The following TMEM233 variants were observed in gnomAD, a reference collection of about 807,000 sequenced individuals.
The protein encoded by TMEM233 is dispanin subfamily B member 2.
TMEM233 carries 6 observed loss-of-function variants against 11.2 expected under a neutral mutation model. The ratio of observed to expected loss-of-function variants is 0.54; its 90% CI spans 0.29 to 1.06. The LOEUF is 1.06. Ranked by LOEUF, TMEM233 falls within the 50% of genes least tolerant of loss-of-function variation. The pLI, the probability that TMEM233 is intolerant of heterozygous loss-of-function variation, is 0.08. For missense variants in TMEM233, 127 were observed against 144.7 expected, an observed-to-expected ratio of 0.88 and a Z score of 0.63; for synonymous variants, 59 against 55.8, an observed-to-expected ratio of 1.06 and a Z score of -0.26.
intron 1 of TMEM233, among the ~76,000 whole-genome samples, chr12:119,610,656 C>T (rs1010561734): frequency 2.0e-5 from 3 of 152,210 alleles, no homozygotes; most frequent in Non-Finnish European, 4.4e-5. Context: ...ACTTGGCACT[C>T]ATTCTCTCTC....
At chr12:119,628,644 C>A (rs529820808) in intron 1 of TMEM233, among the ~76,000 whole-genome samples, 1 of 151,840 alleles carries the variant, frequency 6.6e-6, no homozygotes, top group Non-Finnish European at 1.5e-5. Flanking sequence ...GGACTATAGG[C>A]GCCCGCCACC....
chr12:119,610,140 T>C (rs929467428), intron 1 of TMEM233, among the ~76,000 whole-genome samples: 1 of 152,204 alleles, frequency 6.6e-6, no homozygotes. Flanking sequence ...TCAAAGGAGA[T>C]TATTTTGAAA....
intron 1 of TMEM233, among the ~76,000 whole-genome samples, chr12:119,596,150 A>C (rs1954043322): frequency 1.3e-5 from 2 of 152,050 alleles, no homozygotes. Flanking sequence ...TTTTTTGCCG[A>C]GAGTCTGGAA....
At chr12:119,601,681 T>C (rs961274369) in intron 1 of TMEM233, among the ~76,000 whole-genome samples, 1 of 146,068 alleles carries the variant, frequency 6.8e-6, no homozygotes, top group Non-Finnish European at 1.5e-5. Flanking sequence ...AAAAAAATAG[T>C]GAAAAGATGA....
intron 2 of TMEM233, among the ~76,000 whole-genome samples, chr12:119,632,646 T>C (rs974892275): frequency 6.6e-6 from 1 of 152,016 alleles, no homozygotes; most frequent in Admixed American, 6.6e-5. Flanking sequence ...AAAGCACAGT[T>C]TAAAGGAAGC....
Position 119,632,120 on chromosome 12 carries a change from A to G in TMEM233, c.323+2248A>G, listed in dbSNP as rs180903399. ...GATTAGTGTTTGAGCTAAGTGGGTTATAATAATAGCAGCTGACACTAACAT... is the reference window on the plus strand; with the variant it reads ...GATTAGTGTTTGAGCTAAGTGGGTTGTAATAATAGCAGCTGACACTAACAT... On this transcript the variant is annotated intron_variant, in intron 2 of 2. Coordinates refer to ENST00000426426, the MANE Select transcript of TMEM233 (RefSeq NM_001136534.3). Among the ~76,000 whole-genome samples, 208 of 152,338 alleles carry G rather than the reference A, an allele frequency of 1.4e-3. 1 individual carries two copies. Among genetic ancestry groups the G allele is most frequent in the Admixed American group, 0.012 (182 of 15,298 alleles).
chr12:119,621,994 CCGTGTT>C (rs1303496997), intron 1 of TMEM233, among the ~76,000 whole-genome samples: 1 of 152,128 alleles, frequency 6.6e-6, no homozygotes, highest in Non-Finnish European at 1.5e-5. Context: ...AGGAAGTAAC[CCGTGTT>C]TAGACATCAT....
the TMEM233 span, among the ~76,000 whole-genome samples, chr12:119,648,449 T>C: frequency 6.6e-6 from 1 of 152,208 alleles, no homozygotes; most frequent in African/African-American, 2.4e-5. Flanking sequence ...CTGGCTAATG[T>C]CCACTCCTTT....
At chr12:119,600,421 C>T (rs1293039713) in intron 1 of TMEM233, among the ~76,000 whole-genome samples, 1 of 146,646 alleles carries the variant, frequency 6.8e-6, no homozygotes, top group Non-Finnish European at 1.5e-5. Context: ...CTCCTTTGAG[C>T]TGGAGCTGAA....
At position 119,624,155 on chromosome 12, in the gene TMEM233, G is replaced by T. The variant is rs958429311; in HGVS notation, c.187-5581G>T. On this transcript the variant is annotated intron_variant, in intron 1 of 2. Coordinates refer to ENST00000426426, the MANE Select transcript of TMEM233 (RefSeq NM_001136534.3). ...GCTTGAGGTCAGGAGTTTGAAACCA[G>T]CCTGGGCAACATGGCAAAACCCCAT... 3.3e-5 allele frequency among the ~76,000 whole-genome samples: 5 copies of T among 151,698 alleles called. No individual in the cohort carries two copies. The East Asian group carries it at 5.8e-4, about 18-fold the overall frequency.
At chr12:119,650,090 G>A in the TMEM233 span, among the ~76,000 whole-genome samples, 1 of 149,450 alleles carries the variant, frequency 6.7e-6, no homozygotes, top group Non-Finnish European at 1.5e-5. Flanking sequence ...CCCGGGAGGC[G>A]GAGTTTGCAG....
chr12:119,624,798 A>G (rs986505393), intron 1 of TMEM233, among the ~76,000 whole-genome samples: 14 of 152,210 alleles, frequency 9.2e-5, no homozygotes, highest in African/African-American at 3.4e-4. Context: ...ACATAATGCC[A>G]CTAAACAGTA....
At chr12:119,612,613 G>C (rs945039498) in intron 1 of TMEM233, among the ~76,000 whole-genome samples, 1 of 151,970 alleles carries the variant, frequency 6.6e-6, no homozygotes, top group Non-Finnish European at 1.5e-5. Flanking sequence ...TTAGCCGGGC[G>C]TGGTGGCGGG....
chr12:119,617,921 T>G (rs775111454), intron 1 of TMEM233, among the ~76,000 whole-genome samples: 4 of 152,008 alleles, frequency 2.6e-5, no homozygotes, highest in Non-Finnish European at 5.9e-5. Flanking sequence ...ACCAAGACAA[T>G]GGGAAAAATG....
intron 2 of TMEM233, 31 bp from the exon 3 acceptor site, chr12:119,640,668 T>TTCTC: frequency 1.3e-6 from 2 of 1,500,838 alleles, no homozygotes; most frequent in Non-Finnish European, 1.8e-6. Context: ...CCCACGGTCT[T>TTCTC]TCTCTCTCTC....
At chr12:119,619,819 T>C (rs1318077719) in intron 1 of TMEM233, among the ~76,000 whole-genome samples, 1 of 152,220 alleles carries the variant, frequency 6.6e-6, no homozygotes, top group African/African-American at 2.4e-5. Flanking sequence ...TACTTATTTT[T>C]ACTTTTTTGA....
chr12:119,621,159 C>T (rs1004736673), intron 1 of TMEM233, among the ~76,000 whole-genome samples: 10 of 151,992 alleles, frequency 6.6e-5, no homozygotes, highest in African/African-American at 2.4e-4. Context: ...GCAATCCTCC[C>T]ACCTCAGCAT....
At chr12:119,617,516 T>A (rs1954559782) in intron 1 of TMEM233, among the ~76,000 whole-genome samples, 1 of 151,872 alleles carries the variant, frequency 6.6e-6, no homozygotes, top group Admixed American at 6.6e-5. Flanking sequence ...GTTTGAAAAA[T>A]TTGCAGCCCG....
chr12:119,650,206 G>A, the TMEM233 span, among the ~76,000 whole-genome samples: 1 of 150,712 alleles, frequency 6.6e-6, no homozygotes, highest in Non-Finnish European at 1.5e-5. Flanking sequence ...ATTATGGCTT[G>A]CTATTTGCCA....
Sources: allele counts gnomAD v4.1 joint callset (sites outside exome capture counted in the v4.1 genomes callset), GRCh38; gene constraint gnomAD v4.1.1; transcripts MANE v1.5; gene names NCBI Gene and HGNC (gene_info 2026-07-23, HGNC 2026-07-21).